NRP2: variants seen among roughly 807,000 people sequenced by gnomAD.
The protein encoded by NRP2 is neuropilin-2.
In NRP2, 52 loss-of-function variants were observed where a neutral mutation model predicts 110.4. The ratio of observed to expected loss-of-function variants is 0.47; its 90% CI spans 0.38 to 0.59. NRP2 has a LOEUF of 0.59. Ranked by LOEUF, NRP2 falls within the 20% of genes least tolerant of loss-of-function variation. NRP2 has a pLI of 0.00. For synonymous variants in NRP2, 508 were observed against 468.9 expected (o/e 1.08, Z -1.08); for missense variants, 1,049 against 1,203.0 (o/e 0.87, Z 1.89).
In NRP2 at chr2:205,683,125, G is replaced by A. The variant is rs2056051648; in HGVS notation, c.-166G>A. On this transcript the variant is annotated 5_prime_UTR_variant, in exon 1 of 17. Transcript: ENST00000357785. ...TCCTCCTGGTGAGGTGGAAATTCCA[G>A]CAAGAATAGAGGTGAAGACAAGCCA... 1 of 610,398 alleles carries A rather than the reference G, an allele frequency of 1.6e-6. No homozygotes were observed. The highest frequency in any genetic ancestry group is 2.9e-6 in the Non-Finnish European group (1 of 343,116). The allele number at this position is 610,398 out of a possible 1,614,324, so 37.8% of individuals were successfully genotyped here. A position where few individuals can be genotyped will look rare whatever the true frequency, so the allele number is the denominator to read the frequency against.
chr2:205,788,560 T>A (rs2058262409), intron 15 of NRP2, among the ~76,000 whole-genome samples: 1 of 151,792 alleles, frequency 6.6e-6, no homozygotes. Flanking sequence ...GTGCCATGTT[T>A]GAAAGCATTT....
In NRP2 at chr2:205,743,511, G is replaced by A; in HGVS notation, c.1600G>A (p.Asp534Asn). The change falls in exon 9 of 17, where the codon GAC (aspartate) becomes AAC (asparagine). Residue 534 changes from aspartate (D) to asparagine (N), a missense_variant. Transcript: ENST00000357785. Reference protein sequence around the residue: ...FKVSYSLNGKDWEYIQDPRTQ... With the variant: ...FKVSYSLNGKNWEYIQDPRTQ... ...AGTCTCCTACAGCCTAAACGGCAAG[G>A]ACTGGGAATACATTCAGGACCCCAG... 1 of 1,614,202 alleles carries A rather than the reference G, an allele frequency of 6.2e-7. No individual in the cohort carries two copies. The highest frequency in any genetic ancestry group is 8.5e-7 in the Non-Finnish European group (1 of 1,180,040).
At chr2:205,761,820 C>A (rs953565965) in intron 12 of NRP2, 3 of 152,204 alleles carry the variant, frequency 2.0e-5, no homozygotes, top group East Asian at 3.8e-4. Context: ...ATCACTTTAA[C>A]CTTTCTGAGC....
At chr2:205,776,892 A>T in intron 15 of NRP2, 1 of 1,204,846 alleles carries the variant, frequency 8.3e-7, no homozygotes, top group South Asian at 1.6e-5. Flanking sequence ...CTCAGTGGGC[A>T]GTCTGCCAGG....
intron 12 of NRP2, 109 bp downstream of exon 12, chr2:205,753,084 C>G: frequency 2.1e-6 from 3 of 1,428,636 alleles, no homozygotes; most frequent in Non-Finnish European, 2.9e-6. Context: ...CACAGCAATC[C>G]TCTATTCTTT....
intron 2 of NRP2, among the ~76,000 whole-genome samples, chr2:205,710,729 A>G (rs1055220296): frequency 6.6e-6 from 1 of 152,184 alleles, no homozygotes; most frequent in Admixed American, 6.5e-5. Context: ...TGTATGTGAC[A>G]GTGCTGTTTT....
chr2:205,749,553 C>T, intron 10 of NRP2, 172 bp from the exon 11 acceptor site: 1 of 609,178 alleles, frequency 1.6e-6, no homozygotes, highest in South Asian at 1.8e-5. Context: ...CATTCTCATT[C>T]TACTATGGTG....
chr2:205,714,969 T>A (rs2056865994), intron 2 of NRP2, among the ~76,000 whole-genome samples: 1 of 152,074 alleles, frequency 6.6e-6, no homozygotes, highest in East Asian at 1.9e-4. Flanking sequence ...CACAGAAGGG[T>A]GCATTCCCAG....
At chr2:205,792,435 C>A in intron 16 of NRP2, 150 bp downstream of exon 16, 1 of 651,250 alleles carries the variant, frequency 1.5e-6, no homozygotes, top group East Asian at 2.7e-5. Context: ...AATGAGGGAA[C>A]CATCAATGGA....
At chr2:205,791,351 G>A (rs1575688266) in intron 15 of NRP2, among the ~76,000 whole-genome samples, 1 of 152,206 alleles carries the variant, frequency 6.6e-6, no homozygotes, top group South Asian at 2.1e-4. Flanking sequence ...GCTTGGAAAG[G>A]CATAATTAGC....
At chr2:205,753,114 C>G in intron 12 of NRP2, 139 bp downstream of exon 12, 1 of 1,191,732 alleles carries the variant, frequency 8.4e-7, no homozygotes, top group South Asian at 1.3e-5. Context: ...CCACCACAGT[C>G]TTTGCTCAAG....
At chr2:205,690,457 C>T (rs7566559) in intron 1 of NRP2, among the ~76,000 whole-genome samples, 43,649 of 151,446 alleles carry the variant, frequency 0.29, 6,818 homozygotes, top group Non-Finnish European at 0.33. Flanking sequence ...ATAAAATGGC[C>T]GAGCATGGTG....
chr2:205,760,892 A>G (rs2057810262), intron 12 of NRP2: 1 of 152,230 alleles, frequency 6.6e-6, no homozygotes, highest in Admixed American at 6.5e-5. Flanking sequence ...TCAGGCAGCA[A>G]GTGGGTCTTA....
chr2:205,785,458 C>A (rs2058225862), intron 15 of NRP2, among the ~76,000 whole-genome samples: 1 of 152,156 alleles, frequency 6.6e-6, no homozygotes, highest in Non-Finnish European at 1.5e-5. Flanking sequence ...GTTTTTCCCA[C>A]CCTCATGCCC....
At chr2:205,692,149 T>A (rs2056327194) in intron 1 of NRP2, among the ~76,000 whole-genome samples, 1 of 152,244 alleles carries the variant, frequency 6.6e-6, no homozygotes, top group African/African-American at 2.4e-5. Context: ...ATTCAGATTT[T>A]GAACTTTATC....
intron 15 of NRP2, among the ~76,000 whole-genome samples, chr2:205,768,956 T>C (rs2057972883): frequency 6.6e-6 from 1 of 152,230 alleles, no homozygotes; most frequent in South Asian, 2.1e-4. Context: ...CCTAGTGCCA[T>C]GGGTCTCTTC....
chr2:205,793,531 C>T (rs1194179458), intron 16 of NRP2, among the ~76,000 whole-genome samples: 2 of 152,156 alleles, frequency 1.3e-5, no homozygotes, highest in Non-Finnish European at 2.9e-5. Flanking sequence ...TATATTTTCT[C>T]ACAGTTCTGG....
At position 205,752,818 on chromosome 2, in the gene NRP2, T is replaced by C. The variant is rs963499475; in HGVS notation, c.1904-17T>C. The C allele has an allele frequency of 6.2e-7, 1 of 1,614,040 alleles. No individual in the cohort carries two copies. The highest frequency in any genetic ancestry group is 8.5e-7 in the Non-Finnish European group (1 of 1,179,930). On this transcript the variant is annotated splice_polypyrimidine_tract_variant and intron_variant, in intron 11 of 16. Coordinates refer to ENST00000357785, the MANE Select transcript of NRP2 (RefSeq NM_003872.3). ...ATTTCATTTGCCTTCCTTTGGGTTA[T>C]TGTTTTCCCCTTTTAGACAAAGATT...
At chr2:205,750,272 G>A (rs1313747031) in intron 11 of NRP2, among the ~76,000 whole-genome samples, 2 of 152,210 alleles carry the variant, frequency 1.3e-5, no homozygotes, top group South Asian at 2.1e-4. Flanking sequence ...CTGGGTGATG[G>A]AGCGCGATAG....
Sources: allele counts gnomAD v4.1 joint callset (sites outside exome capture counted in the v4.1 genomes callset), GRCh38; gene constraint gnomAD v4.1.1; transcripts MANE v1.5; gene names NCBI Gene and HGNC (gene_info 2026-07-23, HGNC 2026-07-21).